Variants in CSMD1 observed in about 807,000 individuals in gnomAD.
The protein encoded by CSMD1 is CUB and Sushi multiple domains 1.
CSMD1 carries 213 observed loss-of-function variants against 417.5 expected under a neutral mutation model. The ratio of observed to expected loss-of-function variants is 0.51; its 90% confidence interval spans 0.46 to 0.57. CSMD1 has a LOEUF of 0.57. Ranked by LOEUF, CSMD1 falls within the 20% of genes least tolerant of loss-of-function variation. The pLI, the probability that CSMD1 is intolerant of heterozygous loss-of-function variation, is 0.00. For synonymous variants in CSMD1, 2,862 were observed against 1,736.8 expected (o/e 1.65, Z -16.11); for missense variants, 6,923 against 4,529.7 (o/e 1.53, Z -15.17).
chr8:4,455,645 T>A (rs184069187), intron 2 of CSMD1, among the ~76,000 whole-genome samples: 1 of 151,898 alleles, frequency 6.6e-6, no homozygotes. Flanking sequence ...TAAAACGCAA[T>A]TGAGGCCAGA....
chr8:3,759,973 A>G (rs928659301), intron 5 of CSMD1, among the ~76,000 whole-genome samples: 1 of 151,466 alleles, frequency 6.6e-6, no homozygotes, highest in African/African-American at 2.4e-5. Flanking sequence ...GTCTTCCCGC[A>G]TTAATTCAGA....
At position 4,933,460 on chromosome 8, in the gene CSMD1, C is replaced by A. The variant is rs73511723; in HGVS notation, c.85+60872G>T. Among the ~76,000 whole-genome samples, 614 of 152,234 alleles carry A rather than the reference C, an allele frequency of 4.0e-3. 3 individuals carry two copies. The highest frequency in any genetic ancestry group is 0.014 in the African/African-American group (572 of 41,540). On this transcript the variant is annotated intron_variant, in intron 1 of 69. Coordinates refer to ENST00000635120, the MANE Select transcript of CSMD1 (RefSeq NM_033225.6). ...AGATAAAGAAAATTAATTTCAAAGC[C>A]AACAAGGAGAGAACTGTCAGTGCAG...
intron 2 of CSMD1, among the ~76,000 whole-genome samples, chr8:4,464,492 TATA>T (rs1800034437): frequency 6.6e-6 from 1 of 152,216 alleles, no homozygotes; most frequent in Admixed American, 6.5e-5. Context: ...AAGCTTATTT[TATA>T]ATAACACATT....
intron 33 of CSMD1, among the ~76,000 whole-genome samples, chr8:3,195,368 G>A (rs906064134): frequency 1.5e-4 from 23 of 152,024 alleles, no homozygotes; most frequent in African/African-American, 5.3e-4. Context: ...GTTTTCAGGC[G>A]GATTGATTCT....
chr8:4,868,312 A>G (rs1436551946), intron 1 of CSMD1, among the ~76,000 whole-genome samples: 1 of 151,986 alleles, frequency 6.6e-6, no homozygotes, highest in African/African-American at 2.4e-5. Context: ...CGGCTCAGTG[A>G]AACCTCCATC....
rs193110581 is a variant in CSMD1, at chr8:4,177,757, G to C, written c.416-145658C>G. ...AAATGATAAAGGGGATATCACCACC[G>C]ATCCCACTGAAATACAAACTGCCAT... is the stretch of plus-strand genomic sequence containing the variant. On this transcript the variant is annotated intron_variant, in intron 3 of 69. Coordinates refer to ENST00000635120, the MANE Select transcript of CSMD1 (RefSeq NM_033225.6). 6.7e-4 allele frequency among the ~76,000 whole-genome samples: 102 copies of C among 151,414 alleles called. 4 individuals carry two copies. In the South Asian group the frequency reaches 0.02, roughly 30 times the overall value.
chr8:4,806,425 G>A (rs1016636378), intron 1 of CSMD1, among the ~76,000 whole-genome samples: 2 of 152,106 alleles, frequency 1.3e-5, no homozygotes, highest in African/African-American at 4.8e-5. Flanking sequence ...AAGTCCCCTG[G>A]ATGATGTTAG....
chr8:2,948,802 A>G lies in CSMD1; in HGVS notation c.10402+497T>C, dbSNP rs569534572. Among the ~76,000 whole-genome samples, 9 of 152,260 alleles carry G rather than the reference A, an allele frequency of 5.9e-5. No homozygotes were observed. The South Asian group carries it at 1.4e-3, about 25-fold the overall frequency. On this transcript the variant is annotated intron_variant, in intron 68 of 69. Coordinates refer to ENST00000635120, the MANE Select transcript of CSMD1 (RefSeq NM_033225.6). ...AATTGTATCTACCCATACATCCATC[A>G]AAATTAAACATGAGCATCTTTTCCT...
Position 3,850,483 on chromosome 8 carries a change from T to G in CSMD1, c.819-96441A>C, listed in dbSNP as rs1803822100. Among the ~76,000 whole-genome samples, 4 of 152,232 alleles carry G rather than the reference T, an allele frequency of 2.6e-5. No homozygotes were observed. The South Asian group carries it at 8.3e-4, about 32-fold the overall frequency. ...GCTGAGGCAGGCAGATAACTTGAGG[T>G]CAAGAGTTCAAGACCGGCTTGGCCA... On this transcript the variant is annotated intron_variant, in intron 5 of 69. Coordinates refer to ENST00000635120, the MANE Select transcript of CSMD1 (RefSeq NM_033225.6).
At chr8:4,805,341 G>T (rs2118572) in intron 1 of CSMD1, among the ~76,000 whole-genome samples, 9,022 of 152,210 alleles carry the variant, frequency 0.059, 455 homozygotes, top group East Asian at 0.23. Context: ...TCTGAAAATT[G>T]TGAAGCACTC....
chr8:3,466,020 G>A (rs1318429237), intron 12 of CSMD1, among the ~76,000 whole-genome samples: 1 of 152,094 alleles, frequency 6.6e-6, no homozygotes, highest in Non-Finnish European at 1.5e-5. Flanking sequence ...ATGTCTTACT[G>A]TGCACACTAT....
intron 7 of CSMD1, among the ~76,000 whole-genome samples, chr8:3,687,221 G>A (rs964583915): frequency 6.6e-6 from 1 of 152,226 alleles, no homozygotes. Context: ...GCCCAGGGCA[G>A]GTCCACATTC....
At chr8:4,438,624 C>T (rs1433082352) in intron 2 of CSMD1, among the ~76,000 whole-genome samples, 1 of 152,150 alleles carries the variant, frequency 6.6e-6, no homozygotes, top group Non-Finnish European at 1.5e-5. Flanking sequence ...TTATTTTATA[C>T]CTACATTATC....
chr8:4,080,206 T>A (rs990776066), intron 3 of CSMD1, among the ~76,000 whole-genome samples: 5 of 152,048 alleles, frequency 3.3e-5, no homozygotes, highest in African/African-American at 9.7e-5. Context: ...AGCTCCCCAG[T>A]AGTAATAGTT....
chr8:4,788,217 C>A, intron 1 of CSMD1: 1 of 1,586,598 alleles, frequency 6.3e-7, no homozygotes. Context: ...AACATCTGCG[C>A]ATAAAGGACC....
rs115982012 is a variant in CSMD1, at chr8:4,229,751, T to C, written c.415+190202A>G. On this transcript the variant is annotated intron_variant, in intron 3 of 69. Transcript: ENST00000635120. ...CATCCTCTGCCGTCCTGCTTCTACA[T>C]AGCATATCACAATGCGACCCACTAA... 8.9e-3 allele frequency among the ~76,000 whole-genome samples: 1,355 copies of C among 152,242 alleles called. 19 individuals are homozygous for C. The highest frequency in any genetic ancestry group is 0.031 in the African/African-American group (1,295 of 41,548).
chr8:3,747,812 TTA>T (rs1311760442), intron 6 of CSMD1, among the ~76,000 whole-genome samples: 23 of 152,316 alleles, frequency 1.5e-4, no homozygotes, highest in Admixed American at 3.9e-4. Flanking sequence ...GTTTTGTTCT[TTA>T]TGTTTTAAAA....
intron 1 of CSMD1, among the ~76,000 whole-genome samples, chr8:4,896,562 T>G (rs1023852937): frequency 3.9e-5 from 6 of 152,076 alleles, no homozygotes; most frequent in African/African-American, 1.5e-4. Flanking sequence ...TCACCTAACC[T>G]TACACATACT....
At chr8:4,501,499 G>C (rs530525526) in intron 2 of CSMD1, among the ~76,000 whole-genome samples, 1 of 152,250 alleles carries the variant, frequency 6.6e-6, no homozygotes, top group East Asian at 1.9e-4. Context: ...TGTTTCACGT[G>C]TTCTCCTCAT....
Sources: gnomAD v4.1 joint callset for allele counts (sites outside exome capture counted in the v4.1 genomes callset) on GRCh38, gnomAD v4.1.1 for gene constraint, MANE v1.5 for transcripts, NCBI Gene and HGNC (gene_info 2026-07-23, HGNC 2026-07-21) for gene names.